PTPRK: variants seen among roughly 807,000 people sequenced by gnomAD.
The protein encoded by PTPRK is receptor-type tyrosine-protein phosphatase kappa.
A neutral mutation model predicts 178.0 loss-of-function variants in PTPRK; 75 were observed. That is an observed-to-expected ratio of 0.42 (90% CI 0.35 to 0.51). The LOEUF (loss-of-function observed/expected upper bound fraction) is 0.51. Ranked by LOEUF, PTPRK falls within the 20% of genes least tolerant of loss-of-function variation. The probability of loss-of-function intolerance (pLI) is 0.02; values close to 1 mark genes in which losing one functional copy is unlikely to be tolerated. For missense variants in PTPRK, 1,441 were observed against 1,797.8 expected, an observed-to-expected ratio of 0.80 and a Z score of 3.59; for synonymous variants, 637 against 620.6, an observed-to-expected ratio of 1.03 and a Z score of -0.39.
chr6:128,292,531 T>G (rs1418389326), intron 3 of PTPRK, among the ~76,000 whole-genome samples: 1 of 152,114 alleles, frequency 6.6e-6, no homozygotes, highest in East Asian at 1.9e-4. Context: ...GATATTATTT[T>G]AGATTTATTT....
chr6:128,370,793 C>A (rs1315206679), intron 2 of PTPRK, among the ~76,000 whole-genome samples: 1 of 152,144 alleles, frequency 6.6e-6, no homozygotes, highest in African/African-American at 2.4e-5. Flanking sequence ...AGATTCCCTT[C>A]ATGATTTATT....
At chr6:128,407,833 T>C (rs1024735550) in intron 1 of PTPRK, among the ~76,000 whole-genome samples, 1 of 152,060 alleles carries the variant, frequency 6.6e-6, no homozygotes, top group Non-Finnish European at 1.5e-5. Flanking sequence ...GAATAAAATA[T>C]AAAAACCAAG....
intron 2 of PTPRK, among the ~76,000 whole-genome samples, chr6:128,335,289 G>A (rs1184020076): frequency 6.6e-6 from 1 of 152,126 alleles, no homozygotes; most frequent in Non-Finnish European, 1.5e-5. Flanking sequence ...AAGGATTACG[G>A]AAGTGGGAAC....
chr6:128,069,657 C>A (rs1438407385), intron 11 of PTPRK, among the ~76,000 whole-genome samples: 1 of 151,990 alleles, frequency 6.6e-6, no homozygotes, highest in Non-Finnish European at 1.5e-5. Context: ...ATAATAATTA[C>A]CTATCCTTGT....
intron 1 of PTPRK, among the ~76,000 whole-genome samples, chr6:128,405,042 A>G (rs1352479371): frequency 6.6e-6 from 1 of 152,196 alleles, no homozygotes; most frequent in East Asian, 1.9e-4. Context: ...GAGAATAGAC[A>G]TGTGGTAAAC....
intron 2 of PTPRK, among the ~76,000 whole-genome samples, chr6:128,364,751 C>T (rs1835252949): frequency 6.6e-6 from 1 of 152,172 alleles, no homozygotes; most frequent in South Asian, 2.1e-4. Flanking sequence ...TAAACTTGTA[C>T]ATTTTTAAGA....
chr6:128,078,441 A>T (rs1399842377), intron 11 of PTPRK, among the ~76,000 whole-genome samples: 1 of 152,010 alleles, frequency 6.6e-6, no homozygotes, highest in Admixed American at 6.6e-5. Flanking sequence ...ACAGTAAAAG[A>T]AAAACTACCC....
chr6:128,043,580 A>G (rs4336462), intron 13 of PTPRK, among the ~76,000 whole-genome samples: 118,545 of 151,832 alleles, frequency 0.78, 47,365 homozygotes, highest in South Asian at 0.95. Flanking sequence ...TAAATTTGAA[A>G]CCAAAGGTTA....
chr6:127,973,656 C>T lies in PTPRK; in HGVS notation c.4133+8G>A. ...CCCATGAATGACAGGCTGAGCTGCCCTACTCACAGGCAGTGGATAATCGTC... is the reference window on the plus strand; with the variant it reads ...CCCATGAATGACAGGCTGAGCTGCCTTACTCACAGGCAGTGGATAATCGTC... On this transcript the variant is annotated splice_region_variant and intron_variant, in intron 28 of 29. Transcript: ENST00000368226. The T allele has an allele frequency of 1.2e-6, 2 of 1,613,078 alleles. No individual in the cohort carries two copies. The highest frequency in any genetic ancestry group is 1.7e-6 in the Non-Finnish European group (2 of 1,179,760).
In PTPRK at chr6:128,249,679, G is replaced by A. The variant is rs143904376; in HGVS notation, c.496-7077C>T. Among the ~76,000 whole-genome samples, 454 of 152,186 alleles carry A rather than the reference G, an allele frequency of 3.0e-3. 1 individual carries two copies. Among genetic ancestry groups the A allele is most frequent in the Non-Finnish European group, 4.7e-3 (318 of 68,000 alleles). ...GGTGAGGTGAAAAAACTATCCAGGCGCTTTCCACACATATACTGATGTCGT... is the reference window on the plus strand; with the variant it reads ...GGTGAGGTGAAAAAACTATCCAGGCACTTTCCACACATATACTGATGTCGT... On this transcript the variant is annotated intron_variant, in intron 3 of 29. Coordinates refer to ENST00000368226, the MANE Select transcript of PTPRK (RefSeq NM_002844.4).
chr6:127,971,690 G>A (rs1018016365), intron 29 of PTPRK, among the ~76,000 whole-genome samples: 1 of 151,912 alleles, frequency 6.6e-6, no homozygotes, highest in African/African-American at 2.4e-5. Context: ...CTTTTTGGAA[G>A]GTCCCAGAAT....
At chr6:128,340,267 T>C (rs1174250752) in intron 2 of PTPRK, among the ~76,000 whole-genome samples, 1 of 152,182 alleles carries the variant, frequency 6.6e-6, no homozygotes, top group African/African-American at 2.4e-5. Context: ...TGGTTCAAAC[T>C]CTCAGAATAT....
At chr6:128,261,087 A>G (rs1818108868) in intron 3 of PTPRK, among the ~76,000 whole-genome samples, 3 of 151,932 alleles carry the variant, frequency 2.0e-5, no homozygotes, top group Admixed American at 1.3e-4. Flanking sequence ...TTCATTTTCT[A>G]TTTTACCCAT....
At chr6:128,452,683 C>A (rs1164758567) in intron 1 of PTPRK, among the ~76,000 whole-genome samples, 1 of 152,154 alleles carries the variant, frequency 6.6e-6, no homozygotes, top group Non-Finnish European at 1.5e-5. Context: ...CACTGTCCAA[C>A]ACCAGGGAGG....
chr6:128,503,923 T>A (rs1466248181), intron 1 of PTPRK, among the ~76,000 whole-genome samples: 2 of 151,488 alleles, frequency 1.3e-5, no homozygotes, highest in Non-Finnish European at 2.9e-5. Context: ...CCAGACTAAC[T>A]TTATTAGGGA....
Position 128,390,554 on chromosome 6 carries a change from T to C in PTPRK, c.223+7012A>G, listed in dbSNP as rs193065442. Reference sequence around the variant, plus strand: ...CAAATAAATTATATAGCTCATTATATAGTGGATTTAAATAAATGCCCATGC... The same window carrying C: ...CAAATAAATTATATAGCTCATTATACAGTGGATTTAAATAAATGCCCATGC... On this transcript the variant is annotated intron_variant, in intron 2 of 29. Transcript: ENST00000368226. 1.2e-3 allele frequency among the ~76,000 whole-genome samples: 183 copies of C among 152,318 alleles called. 1 individual carries two copies. Among genetic ancestry groups the C allele is most frequent in the Non-Finnish European group, 2.2e-4 (15 of 67,996 alleles).
intron 3 of PTPRK, among the ~76,000 whole-genome samples, chr6:128,316,358 C>A (rs2128318492): frequency 6.6e-6 from 1 of 152,268 alleles, no homozygotes; most frequent in East Asian, 1.9e-4. Flanking sequence ...ATGCTTATTT[C>A]TCCTGACCGC....
At chr6:128,073,017 T>C (rs1562531778) in intron 11 of PTPRK, among the ~76,000 whole-genome samples, 1 of 152,084 alleles carries the variant, frequency 6.6e-6, no homozygotes, top group Non-Finnish European at 1.5e-5. Context: ...ATATGATACA[T>C]CAGTATGTGG....
chr6:128,470,712 A>G (rs1260242544), intron 1 of PTPRK, among the ~76,000 whole-genome samples: 1 of 150,990 alleles, frequency 6.6e-6, no homozygotes, highest in Non-Finnish European at 1.5e-5. Flanking sequence ...TACAGGTTCA[A>G]TGAGGCATTA....
Sources: gnomAD v4.1 joint callset for allele counts (sites outside exome capture counted in the v4.1 genomes callset) on GRCh38, gnomAD v4.1.1 for gene constraint, MANE v1.5 for transcripts, NCBI Gene and HGNC (gene_info 2026-07-23, HGNC 2026-07-21) for gene names.